The following PPP1R16B variants were observed in gnomAD, a reference collection of about 807,000 sequenced individuals.
The protein encoded by PPP1R16B is protein phosphatase 1 regulatory inhibitor subunit 16B.
Under a neutral mutation model 61.7 loss-of-function variants are expected in PPP1R16B, and 14 were observed. The ratio of observed to expected loss-of-function variants is 0.23; its 90% CI spans 0.15 to 0.35. The LOEUF (loss-of-function observed/expected upper bound fraction) is 0.35, where lower values mean the gene tolerates loss of function less well. PPP1R16B is among the 10% of genes least tolerant of loss of function. PPP1R16B has a pLI of 1.00. For missense variants in PPP1R16B, 547 were observed against 752.5 expected (o/e 0.73, Z 3.19); for synonymous variants, 266 against 305.3 (o/e 0.87, Z 1.34).
chr20:38,874,648 C>G (rs1230001937), intron 2 of PPP1R16B, among the ~76,000 whole-genome samples: 1 of 152,170 alleles, frequency 6.6e-6, no homozygotes. Context: ...CCTTTCATCC[C>G]TTGGGCTCAG....
intron 1 of PPP1R16B, among the ~76,000 whole-genome samples, chr20:38,818,976 G>A (rs2084756892): frequency 6.6e-6 from 1 of 152,020 alleles, no homozygotes; most frequent in African/African-American, 2.4e-5. Flanking sequence ...AAGTCTCACT[G>A]TGTTGTCCAG....
chr20:38,896,133 TCCCTCC>T (rs2085345153), intron 4 of PPP1R16B, among the ~76,000 whole-genome samples: 1 of 85,404 alleles, frequency 1.2e-5, no homozygotes, highest in Admixed American at 1.3e-4. Context: ...CTTCCCTTCC[TCCCTCC>T]TTTCCTTCTT....
chr20:38,875,474 C>G (rs2085159080), intron 2 of PPP1R16B, among the ~76,000 whole-genome samples: 2 of 152,152 alleles, frequency 1.3e-5, no homozygotes, highest in South Asian at 2.1e-4. Context: ...CAGGACAGGG[C>G]CCCCCAGGCA....
At chr20:38,895,170 C>T (rs373901864) in intron 3 of PPP1R16B, among the ~76,000 whole-genome samples, 20 of 152,224 alleles carry the variant, frequency 1.3e-4, no homozygotes, top group African/African-American at 4.6e-4. Flanking sequence ...TTTGAATTTA[C>T]TGGTCATCTA....
intron 3 of PPP1R16B, among the ~76,000 whole-genome samples, chr20:38,895,137 C>G (rs1184601316): frequency 6.6e-6 from 1 of 152,224 alleles, no homozygotes; most frequent in African/African-American, 2.4e-5. Context: ...ACACACACCC[C>G]TGCCTCAACC....
At chr20:38,895,941 TTCCCTCCCTCC>T (rs2085337393) in intron 4 of PPP1R16B, among the ~76,000 whole-genome samples, 1 of 79,720 alleles carries the variant, frequency 1.3e-5, no homozygotes, top group Non-Finnish European at 2.4e-5. Flanking sequence ...TCCTTCTTTC[TTCCCTCCCTCC>T]CTCCTTTCTT....
rs554040180 is a variant in PPP1R16B, at chr20:38,877,564, G to A, written c.251-12031G>A. On this transcript the variant is annotated intron_variant, in intron 2 of 10. Coordinates refer to ENST00000299824, the MANE Select transcript of PPP1R16B (RefSeq NM_015568.4). The stretch of plus-strand genomic sequence containing the variant: ...TGACGTCAGGTGATCCATCCGCCTC[G>A]GGCTCCCAAAGTGCTGGGATTACAG... Among the ~76,000 whole-genome samples the A allele has an allele frequency of 4.2e-4, 64 of 152,042 alleles. 1 individual carries two copies. The highest frequency in any genetic ancestry group is 1.4e-3 in the African/African-American group (57 of 41,462).
At chr20:38,872,910 C>A in intron 2 of PPP1R16B, 1 of 152,466 alleles carries the variant, frequency 6.6e-6, no homozygotes. Context: ...ATGGTGACCT[C>A]CCGGGAGCGG....
At chr20:38,864,126 G>A (rs1471561388) in intron 2 of PPP1R16B, among the ~76,000 whole-genome samples, 1 of 152,200 alleles carries the variant, frequency 6.6e-6, no homozygotes, top group Non-Finnish European at 1.5e-5. Context: ...GGTATGAAAT[G>A]TCCAGAATAG....
At chr20:38,825,330 A>G (rs945180499) in intron 1 of PPP1R16B, among the ~76,000 whole-genome samples, 6 of 152,228 alleles carry the variant, frequency 3.9e-5, no homozygotes, top group African/African-American at 1.4e-4. Context: ...GGAAGTAGGA[A>G]CTAGAAAAAA....
intron 2 of PPP1R16B, among the ~76,000 whole-genome samples, chr20:38,840,020 G>A (rs528228725): frequency 1.3e-5 from 2 of 152,350 alleles, no homozygotes; most frequent in East Asian, 3.9e-4. Context: ...TGAGGGGAAG[G>A]GGCCAGAATA....
intron 10 of PPP1R16B, among the ~76,000 whole-genome samples, chr20:38,916,637 T>C (rs2145788185): frequency 6.6e-6 from 1 of 151,908 alleles, no homozygotes; most frequent in Admixed American, 6.6e-5. Flanking sequence ...AAGTATACAA[T>C]CTTTTCTAAA....
At position 38,836,095 on chromosome 20, in the gene PPP1R16B, C is replaced by G. The variant is rs754843485; in HGVS notation, c.170C>G (p.Thr57Arg). Residue 57 changes from threonine (T) to arginine (R), a missense_variant, in exon 2 of 11, where the codon ACG becomes AGG. Thr to Arg is a moderately conservative substitution (Grantham distance 71). Transcript: ENST00000299824. ...RKRKHERKRS[T>R]GGRRKKVSFE... Reference sequence around the variant, plus strand: ...CGAAAGCATGAGCGGAAGCGCAGCACGGGCGGCCGCCGCAAGAAAGTGTCC... The same window carrying G: ...CGAAAGCATGAGCGGAAGCGCAGCAGGGGCGGCCGCCGCAAGAAAGTGTCC... 2 of 1,611,748 alleles carry G rather than the reference C, an allele frequency of 1.2e-6. No homozygotes were observed. The highest frequency in any genetic ancestry group is 1.7e-5 in the Admixed American group (1 of 59,968).
In PPP1R16B at chr20:38,806,176, G is replaced by T. The variant is rs2084659110; in HGVS notation, c.-102+384G>T. Among the ~76,000 whole-genome samples, 1 of 152,074 alleles carries T rather than the reference G, an allele frequency of 6.6e-6. No homozygotes were observed. The highest frequency in any genetic ancestry group is 2.4e-5 in the African/African-American group (1 of 41,412). ...TCTGCCGGGGGTGCAATGCCGGGCG[G>T]CGGGAGCCACAGCGGACACCAAACA... On this transcript the variant is annotated intron_variant, in intron 1 of 10. Transcript: ENST00000299824. This position sits in a 1 kb window ranked among gnomAD's most constrained non-coding sequence, Gnocchi z 4.5.
intron 1 of PPP1R16B, among the ~76,000 whole-genome samples, chr20:38,818,754 C>CT (rs577315309): frequency 0.013 from 1,763 of 138,226 alleles, 14 homozygotes; most frequent in Non-Finnish European, 0.015. Flanking sequence ...TGATTGTCCT[C>CT]TTTTTTTTTT....
intron 2 of PPP1R16B, among the ~76,000 whole-genome samples, chr20:38,860,672 A>G (rs1327135381): frequency 6.6e-6 from 1 of 152,208 alleles, no homozygotes; most frequent in East Asian, 1.9e-4. Flanking sequence ...AACAGCATCT[A>G]GCTTTGTGCC....
rs2085584480 is a variant in PPP1R16B at position 38,920,298 on chromosome 20, T to C, written c.*1632T>C. ...GGTTATCCCTTGCTCTGTGCGCCTT[T>C]TATTTGTCCTTAAACTACCTCCTTA... is the stretch of plus-strand genomic sequence containing the variant. On this transcript the variant is annotated 3_prime_UTR_variant, in exon 11 of 11. Coordinates refer to ENST00000299824, the MANE Select transcript of PPP1R16B (RefSeq NM_015568.4). 6.6e-6 allele frequency: 1 copy of C among 152,486 alleles called. No individual in the cohort carries two copies. Among genetic ancestry groups the C allele is most frequent in the Non-Finnish European group, 1.5e-5 (1 of 68,092 alleles). The allele number at this position is 152,486 out of a possible 1,614,324, so 9.4% of individuals were successfully genotyped here. A position where few individuals can be genotyped will look rare whatever the true frequency, so the allele number is the denominator to read the frequency against.
At chr20:38,876,936 A>G (rs1304710619) in intron 2 of PPP1R16B, among the ~76,000 whole-genome samples, 1 of 152,206 alleles carries the variant, frequency 6.6e-6, no homozygotes, top group Non-Finnish European at 1.5e-5. Flanking sequence ...TTTTTTTCCA[A>G]TGAAAAGTGT....
chr20:38,887,507 C>T (rs2085254647), intron 2 of PPP1R16B, among the ~76,000 whole-genome samples: 1 of 152,142 alleles, frequency 6.6e-6, no homozygotes, highest in Admixed American at 6.5e-5. Flanking sequence ...TGTGACAGAG[C>T]TAATTTTCAT....
Sources: gnomAD v4.1 joint callset for allele counts (sites outside exome capture counted in the v4.1 genomes callset) on GRCh38, gnomAD v4.1.1 for gene constraint, Gnocchi (gnomAD v3.1) non-coding constraint, MANE v1.5 for transcripts, NCBI Gene and HGNC (gene_info 2026-07-23, HGNC 2026-07-21) for gene names.